Variants in C16orf96 observed in about 807,000 individuals in gnomAD.
C16orf96 encodes the protein chromosome 16 open reading frame 96.
Under a neutral mutation model 103.6 loss-of-function variants are expected in C16orf96, and 108 were observed. The ratio of observed to expected loss-of-function variants is 1.04; its 90% confidence interval spans 0.89 to 1.22. C16orf96 has a LOEUF of 1.22. Ranked by LOEUF, C16orf96 falls within the 50% of genes most tolerant of loss-of-function variation. C16orf96 has a pLI of 0.00. For synonymous variants in C16orf96, 566 were observed against 593.5 expected (o/e 0.95, Z 0.67); for missense variants, 1,586 against 1,464.2 (o/e 1.08, Z -1.36).
the C16orf96 span, among the ~76,000 whole-genome samples, chr16:4,546,243 C>G: frequency 2.0e-5 from 3 of 150,236 alleles, no homozygotes; most frequent in East Asian, 3.9e-4. Context: ...ACTGCAAGCT[C>G]CACCTCCCAG....
rs553510823 is a variant in C16orf96 at position 4,580,872 on chromosome 16, C to A, written c.2352+747C>A. ...GGGTGCAGAGGCTCACGCCTGTAAT[C>A]CCAGCACTTTAGGAGGCTGAGGTGG... On this transcript the variant is annotated intron_variant, in intron 7 of 15. Coordinates refer to ENST00000444310, the MANE Select transcript of C16orf96 (RefSeq NM_001145011.2). Among the ~76,000 whole-genome samples the A allele has an allele frequency of 7.7e-4, 117 of 152,048 alleles. 1 individual carries two copies. The highest frequency in any genetic ancestry group is 2.3e-3 in the African/African-American group (97 of 41,484).
chr16:4,599,218 G>A, intron 14 of C16orf96, 66 bp from the exon 15 acceptor site: 2 of 1,410,554 alleles, frequency 1.4e-6, no homozygotes, highest in Non-Finnish European at 2.0e-6. Context: ...CCCAGTGCTG[G>A]GATCGGCCTG....
At chr16:4,599,963 G>A (rs1897249109) in intron 15 of C16orf96, 137 bp from the exon 16 acceptor site, 7 of 855,158 alleles carry the variant, frequency 8.2e-6, no homozygotes, top group Non-Finnish European at 1.2e-5. Context: ...GTGAGGTATG[G>A]TGCCCAGCCG....
Position 4,593,259 on chromosome 16 carries a change from C to T in C16orf96, c.2810C>T (p.Ser937Phe), listed in dbSNP as rs1567457176. The T allele has an allele frequency of 1.3e-6, 2 of 1,551,102 alleles. No individual in the cohort carries two copies. The highest frequency in any genetic ancestry group is 4.9e-5 in the East Asian group (2 of 40,886). ...LITIRKAHLL[S>F]RLRPASANSC... is the part of the protein sequence containing the mutation. ...ACCATCCGCAAAGCCCACCTGCTGTCCCGGCTGCGGCCAGCCAGCGCCAAC... is the reference window on the plus strand; with the variant it reads ...ACCATCCGCAAAGCCCACCTGCTGTTCCGGCTGCGGCCAGCCAGCGCCAAC... Residue 937 changes from serine to phenylalanine, a missense_variant, in exon 12 of 16, where the codon TCC becomes TTC. Transcript: ENST00000444310. The surrounding 1 kb of genome is among the most constrained non-coding windows in gnomAD (Gnocchi z 4.2).
chr16:4,579,307 C>G (rs1485288818), intron 6 of C16orf96, among the ~76,000 whole-genome samples: 3 of 152,006 alleles, frequency 2.0e-5, no homozygotes, highest in East Asian at 1.9e-4. Flanking sequence ...AATCCCAACG[C>G]TTTACAAGGC....
intron 9 of C16orf96, among the ~76,000 whole-genome samples, chr16:4,589,301 A>G (rs1164281386): frequency 1.3e-5 from 2 of 151,998 alleles, no homozygotes; most frequent in African/African-American, 4.8e-5. Flanking sequence ...CATTGCAGCC[A>G]GTTGTGGTGG....
rs924097222 is a variant in C16orf96 at position 4,596,866 on chromosome 16, C to T, written c.3127+2063C>T. On this transcript the variant is annotated intron_variant, in intron 14 of 15. Transcript: ENST00000444310. ...GGAGGGTCCCTCCCTGTCTCTTCAG[C>T]TTCTGGGGCCGATGGCACTCCCTGG... Among the ~76,000 whole-genome samples, 17 of 152,196 alleles carry T rather than the reference C, an allele frequency of 1.1e-4. 1 individual carries two copies. Among genetic ancestry groups the T allele is most frequent in the African/African-American group, 4.1e-4 (17 of 41,450 alleles).
chr16:4,578,183 CGCCG>C lies in C16orf96; in HGVS notation c.2156-755_2156-752del, dbSNP rs755028202. On this transcript the variant is annotated intron_variant, in intron 5 of 15. Coordinates refer to ENST00000444310, the MANE Select transcript of C16orf96 (RefSeq NM_001145011.2). Reference sequence around the variant, plus strand: ...TTTTGAGATGGAGTTTCACTTTTGTCGCCGGTTGGAGTGCAATGGCGTGATCACA... The same window carrying C: ...TTTTGAGATGGAGTTTCACTTTTGTCGTTGGAGTGCAATGGCGTGATCACA... Among the ~76,000 whole-genome samples the C allele has an allele frequency of 5.2e-3, 794 of 152,206 alleles. 5 individuals carry two copies. The highest frequency in any genetic ancestry group is 0.027 in the Middle Eastern group (8 of 294).
chr16:4,585,146 C>CA (rs945568792), intron 7 of C16orf96, among the ~76,000 whole-genome samples: 2 of 150,950 alleles, frequency 1.3e-5, no homozygotes, highest in Admixed American at 1.3e-4. Flanking sequence ...GACCCTGTCT[C>CA]AAAAAATAAA....
the C16orf96 span, among the ~76,000 whole-genome samples, chr16:4,545,054 A>C: frequency 6.6e-6 from 1 of 152,330 alleles, no homozygotes; most frequent in African/African-American, 2.4e-5. Context: ...GTTTATATTC[A>C]TAATAGCCAA....
chr16:4,556,787 GA>G lies in C16orf96; in HGVS notation c.299del (p.Asp100AlafsTer25). On this transcript the variant is annotated frameshift_variant, in exon 1 of 16. Coordinates refer to ENST00000444310, the MANE Select transcript of C16orf96 (RefSeq NM_001145011.2). LOFTEE classifies it high-confidence loss of function. ...KLENQLALLQ[D>X]LPSTAQLLEA... ...GGAGAACCAGCTGGCCCTGCTGCAGGACCTGCCCTCCACTGCCCAGCTGCTG... is the reference window on the plus strand; with the variant it reads ...GGAGAACCAGCTGGCCCTGCTGCAGGCCTGCCCTCCACTGCCCAGCTGCTG... The G allele has an allele frequency of 6.4e-7, 1 of 1,551,646 alleles. No individual in the cohort carries two copies. The highest frequency in any genetic ancestry group is 2.4e-5 in the East Asian group (1 of 40,910).
In C16orf96 at chr16:4,592,965, G is replaced by A. The variant is rs573223166; in HGVS notation, c.2775-259G>A. On this transcript the variant is annotated intron_variant, in intron 11 of 15. Transcript: ENST00000444310. ...GCTGGGATCATAGGTGTATGCCACC[G>A]CGCCTAGCCTGGTTTTTACTTTTGG... Among the ~76,000 whole-genome samples, 453 of 152,322 alleles carry A rather than the reference G, an allele frequency of 3.0e-3. 1 individual carries two copies. The highest frequency in any genetic ancestry group is 3.9e-3 in the South Asian group (19 of 4,830).
At chr16:4,585,288 C>G (rs1036811556) in intron 7 of C16orf96, among the ~76,000 whole-genome samples, 2 of 32,054 alleles carry the variant, frequency 6.2e-5, no homozygotes, top group Non-Finnish European at 1.3e-4. Flanking sequence ...ACCCCTGTCT[C>G]TACAAAAAAA....
Position 4,594,763 on chromosome 16 carries a change from GC to G in C16orf96, c.3088del (p.Arg1030ValfsTer15). ...ILYKGRVNSQ[R>X]GAQPLAVAKE... Reference sequence around the variant, plus strand: ...TGTACAAAGGCCGCGTGAACAGCCAGCGTGGGGCTCAGCCCTTGGCCGTCGC... The same window carrying G: ...TGTACAAAGGCCGCGTGAACAGCCAGGTGGGGCTCAGCCCTTGGCCGTCGC... On this transcript the variant is annotated frameshift_variant, in exon 14 of 16. Transcript: ENST00000444310. LOFTEE classifies it high-confidence loss of function. 6.4e-7 allele frequency: 1 copy of G among 1,551,024 alleles called. No individual in the cohort carries two copies.
At chr16:4,551,483 G>C (rs2059227226), upstream of C16orf96, among the ~76,000 whole-genome samples, 2 of 152,080 alleles carry the variant, frequency 1.3e-5, no homozygotes, top group Admixed American at 6.6e-5. Flanking sequence ...ACGGAGTCTT[G>C]CTCTGTCGCC....
At chr16:4,571,444 C>A in intron 1 of C16orf96, 117 bp from the exon 2 acceptor site, 1 of 799,624 alleles carries the variant, frequency 1.3e-6, no homozygotes, top group Non-Finnish European at 2.0e-6. Flanking sequence ...CCAGTCTAGG[C>A]CTTGGGAGAG....
Position 4,588,252 on chromosome 16 carries a change from G to C in C16orf96, c.2513G>C (p.Gly838Ala), listed in dbSNP as rs865823630. 1.7e-5 allele frequency: 27 copies of C among 1,551,578 alleles called. No homozygotes were observed. Among genetic ancestry groups the C allele is most frequent in the Admixed American group, 1.2e-4 (6 of 50,978 alleles). The change falls in exon 9 of 16, where the codon GGC (glycine) becomes GCC (alanine). Residue 838 changes from glycine to alanine, a missense_variant. By Grantham distance (60) the Gly-to-Ala change is moderately conservative. Transcript: ENST00000444310. ...TTGGAGCTGAACGAGATGATTCAGG[G>C]CATACTCTTCAAGGTCACGATCCAT... The part of the protein sequence containing the change: ...VALELNEMIQ[G>A]ILFKVTIHED...
At chr16:4,544,942 G>T in the C16orf96 span, among the ~76,000 whole-genome samples, 1 of 152,140 alleles carries the variant, frequency 6.6e-6, no homozygotes, top group Non-Finnish European at 1.5e-5. Context: ...ATGTGACCCA[G>T]CAGTCCCACT....
chr16:4,570,756 G>A (rs1472445363), intron 1 of C16orf96, among the ~76,000 whole-genome samples: 6 of 152,010 alleles, frequency 3.9e-5, no homozygotes, highest in Admixed American at 2.6e-4. Context: ...ATGAGCCACC[G>A]CGCCAAGCTC....
Sources: gnomAD v4.1 joint callset for allele counts (sites outside exome capture counted in the v4.1 genomes callset) on GRCh38, gnomAD v4.1.1 for gene constraint, Gnocchi (gnomAD v3.1) non-coding constraint, MANE v1.5 for transcripts, NCBI Gene and HGNC (gene_info 2026-07-23, HGNC 2026-07-21) for gene names.